Variants in OXNAD1 observed in about 807,000 individuals in gnomAD.
The protein encoded by OXNAD1 is oxidoreductase NAD binding domain containing 1.
Under a neutral mutation model 32.9 loss-of-function variants are expected in OXNAD1, and 34 were observed. The ratio of observed to expected loss-of-function variants is 1.03; its 90% confidence interval spans 0.79 to 1.38. The LOEUF (loss-of-function observed/expected upper bound fraction) is 1.38. OXNAD1 is among the 40% of genes most tolerant of loss of function. OXNAD1 has a pLI of 0.00. For missense variants in OXNAD1, 407 were observed against 379.4 expected, an observed-to-expected ratio of 1.07 and a Z score of -0.60; for synonymous variants, 134 against 135.2, an observed-to-expected ratio of 0.99 and a Z score of 0.06.
At position 16,321,411 on chromosome 3, in the gene OXNAD1, G is replaced by A. The variant is rs1306675862; in HGVS notation, c.*31-15701G>A. On this transcript the variant is annotated intron_variant, in intron 9 of 9. Transcript: ENST00000435829. The surrounding 1 kb of genome is among the most constrained non-coding windows in gnomAD (Gnocchi z 4.8). ...CAAGAGAAAAGCTGCTTCAGGGAGT[G>A]GGGGTGGTCCCAACATCCGGGCTGC... Among the ~76,000 whole-genome samples, 1 of 152,190 alleles carries A rather than the reference G, an allele frequency of 6.6e-6. No homozygotes were observed. The highest frequency in any genetic ancestry group is 1.5e-5 in the Non-Finnish European group (1 of 68,022).
At chr3:16,286,248 T>C (rs1348993974) in intron 4 of OXNAD1, 94 bp from the exon 5 acceptor site, 10 of 954,758 alleles carry the variant, frequency 1.0e-5, no homozygotes, top group Non-Finnish European at 1.5e-5. Context: ...CACATCTTTG[T>C]AGGTTTCAAA....
intron 9 of OXNAD1, among the ~76,000 whole-genome samples, chr3:16,323,943 G>A (rs755282228): frequency 7.9e-5 from 12 of 152,190 alleles, no homozygotes; most frequent in Non-Finnish European, 1.8e-4. Context: ...AGACTGCACA[G>A]CACCAGGCGG....
At chr3:16,272,009 G>A (rs1229135077) in intron 4 of OXNAD1, 2 of 515,030 alleles carry the variant, frequency 3.9e-6, no homozygotes, top group East Asian at 7.4e-5. Context: ...TGATGTTTAG[G>A]GTTATGTTTT....
At chr3:16,276,598 G>A (rs842286) in intron 4 of OXNAD1, 159,277 of 160,220 alleles carry the variant, frequency 0.99, 79,167 homozygotes, top group East Asian at 1. Flanking sequence ...TCTGGTCTTT[G>A]TTTTTTTTGT....
chr3:16,340,570 T>C (rs1169003945), downstream of OXNAD1, among the ~76,000 whole-genome samples: 3 of 152,260 alleles, frequency 2.0e-5, no homozygotes, highest in African/African-American at 7.2e-5. Flanking sequence ...AATGGTTAGT[T>C]ACACAGCAGA....
At chr3:16,267,326 C>A (rs1289421273) in intron 1 of OXNAD1, among the ~76,000 whole-genome samples, 1 of 152,156 alleles carries the variant, frequency 6.6e-6, no homozygotes, top group Non-Finnish European at 1.5e-5. Context: ...TTGAGCAGTC[C>A]TTTAAAAATA....
rs1206759819 is a variant in OXNAD1 at position 16,302,594 on chromosome 3, T to C, written c.676-46T>C. ...CGTCAATGGTTGTGCACATCTGTTTTGATTTTTTAAAATTGTAGTGTGACC... is the reference window on the plus strand; with the variant it reads ...CGTCAATGGTTGTGCACATCTGTTTCGATTTTTTAAAATTGTAGTGTGACC... On this transcript the variant is annotated intron_variant, in intron 7 of 8. Coordinates refer to ENST00000285083, the MANE Select transcript of OXNAD1 (RefSeq NM_138381.5). This position sits in a 1 kb window ranked among gnomAD's most constrained non-coding sequence, Gnocchi z 4.2. 7.3e-7 allele frequency: 1 copy of C among 1,367,672 alleles called. No homozygotes were observed. Among genetic ancestry groups the C allele is most frequent in the African/African-American group, 1.4e-5 (1 of 69,128 alleles). 84.7% of individuals were successfully genotyped at this position (1,367,672 alleles called of 1,614,324 possible). A position where few individuals can be genotyped will look rare whatever the true frequency, so the allele number is the denominator to read the frequency against.
At position 16,348,373 on chromosome 3, in the gene OXNAD1, T is replaced by A. The variant is rs1388665421; in HGVS notation, c.*31-803T>A. On this transcript the variant is annotated intron_variant, in intron 9 of 9. Transcript: ENST00000606098. The surrounding 1 kb of genome is among the most constrained non-coding windows in gnomAD (Gnocchi z 6.3). ...TATGTGTTCTAATTATAAAAAAAAA[T>A]TAATAGATGTGCCTTCTCTTCCAGC... 2.7e-5 allele frequency among the ~76,000 whole-genome samples: 4 copies of A among 150,682 alleles called. No individual in the cohort carries two copies. Among genetic ancestry groups the A allele is most frequent in the Non-Finnish European group, 5.9e-5 (4 of 67,586 alleles).
Position 16,312,629 on chromosome 3 carries a change from G to A in OXNAD1, c.*30+9037G>A, listed in dbSNP as rs1009483965. On this transcript the variant is annotated intron_variant, in intron 9 of 9. Transcript: ENST00000435829. The surrounding 1 kb of genome is among the most constrained non-coding windows in gnomAD (Gnocchi z 4.7). ...TCAGCTAGAGTGGGTTGCACGAGTC[G>A]TGAGTTTGGGGTCAACCTATTCCTA... is the stretch of plus-strand genomic sequence containing the variant. Among the ~76,000 whole-genome samples the A allele has an allele frequency of 2.6e-5, 4 of 152,232 alleles. No homozygotes were observed. The highest frequency in any genetic ancestry group is 2.0e-4 in the Admixed American group (3 of 15,288).
In OXNAD1 at chr3:16,327,752, T is replaced by C. The variant is rs2069863457; in HGVS notation, c.*31-9360T>C. ...CTCCAGCCTGGGTGACAGAGCGGGA[T>C]TCCCATCTCAAAAAAAAAAACAAAA... On this transcript the variant is annotated intron_variant, in intron 9 of 9. Transcript: ENST00000435829. The surrounding 1 kb of genome is among the most constrained non-coding windows in gnomAD (Gnocchi z 4.2). Among the ~76,000 whole-genome samples, 1 of 135,542 alleles carries C rather than the reference T, an allele frequency of 7.4e-6. No individual in the cohort carries two copies. The highest frequency in any genetic ancestry group is 2.8e-5 in the African/African-American group (1 of 35,948). The allele number at this position is 135,542 out of a possible 152,430, so 88.9% of individuals were successfully genotyped here.
chr3:16,350,528 A>G (rs111496018), downstream of OXNAD1, among the ~76,000 whole-genome samples: 3 of 151,786 alleles, frequency 2.0e-5, no homozygotes, highest in African/African-American at 7.3e-5. Context: ...GCACTCATCC[A>G]TACATACTAT....
rs1559842639 is a variant in OXNAD1 at position 16,345,301 on chromosome 3, T to TGTGTGTG, written c.*31-3875_*31-3874insGTGTGTG. The stretch of plus-strand genomic sequence containing the variant: ...GTGTGTGTGTGTGTGTGTGTGTGTG[T>TGTGTGTG]TTAAAGCTGTTATAGAATTATCTCC... On this transcript the variant is annotated intron_variant, in intron 9 of 9. Coordinates refer to the OXNAD1 transcript ENST00000606098. The surrounding 1 kb of genome is among the most constrained non-coding windows in gnomAD (Gnocchi z 5.2). The TGTGTGTG allele has an allele frequency of 6.8e-5, 10 of 146,418 alleles. No homozygotes were observed. The highest frequency in any genetic ancestry group is 1.2e-4 in the African/African-American group (5 of 40,318). 9.1% of individuals were successfully genotyped at this position (146,418 alleles called of 1,614,324 possible). A position where few individuals can be genotyped will look rare whatever the true frequency, so the allele number is the denominator to read the frequency against.
Position 16,301,942 on chromosome 3 carries a change from G to A in OXNAD1, c.675+74G>A. 2 of 1,536,538 alleles carry A rather than the reference G, an allele frequency of 1.3e-6. No individual in the cohort carries two copies. Among genetic ancestry groups the A allele is most frequent in the East Asian group, 4.5e-5 (2 of 44,150 alleles). On this transcript the variant is annotated intron_variant, in intron 7 of 8. Coordinates refer to ENST00000285083, the MANE Select transcript of OXNAD1 (RefSeq NM_138381.5). The surrounding 1 kb of genome is among the most constrained non-coding windows in gnomAD (Gnocchi z 4.1). ...TTGTTCATGAAAGTTTTTTCTCTAG[G>A]TTTTGTTTTCTCTGCAAAGGTTCAA...
intron 5 of OXNAD1, among the ~76,000 whole-genome samples, chr3:16,291,579 G>A (rs1030350978): frequency 7.9e-5 from 12 of 152,174 alleles, no homozygotes; most frequent in Non-Finnish European, 1.3e-4. Context: ...CTATGTTGTA[G>A]CCTGTATCAG....
rs1348426146 is a variant in OXNAD1 at position 16,271,330 on chromosome 3, A to G, written c.119+259A>G. On this transcript the variant is annotated intron_variant, in intron 3 of 8. Transcript: ENST00000285083. The surrounding 1 kb of genome is among the most constrained non-coding windows in gnomAD (Gnocchi z 4.6). ...GTGATTCTCCTGTCTTAGCCTCCCG[A>G]GTAGCTGGGATTACAGGCGTGCACC... is the stretch of plus-strand genomic sequence containing the variant. 3 of 537,840 alleles carry G rather than the reference A, an allele frequency of 5.6e-6. No homozygotes were observed. The highest frequency in any genetic ancestry group is 3.6e-5 in the Admixed American group (1 of 28,168). 33.3% of individuals were successfully genotyped at this position (537,840 alleles called of 1,614,324 possible).
downstream of OXNAD1, among the ~76,000 whole-genome samples, chr3:16,351,867 G>T (rs1014333855): frequency 1.3e-5 from 2 of 151,620 alleles, no homozygotes; most frequent in African/African-American, 4.9e-5. This position sits in a 1 kb window ranked among gnomAD's most constrained non-coding sequence, Gnocchi z 5.4. Context: ...TGGGTGAGGG[G>T]ACTAGAAAGA....
intron 4 of OXNAD1, chr3:16,276,306 CT>C: frequency 1.0e-5 from 2 of 191,630 alleles, no homozygotes; most frequent in South Asian, 9.1e-5. Context: ...TTTAGGCATA[CT>C]TTTTTCTCAT....
At chr3:16,307,985 CAGTT>C (rs368253679), downstream of OXNAD1, among the ~76,000 whole-genome samples, 413 of 152,220 alleles carry the variant, frequency 2.7e-3, 2 homozygotes, top group African/African-American at 8.5e-3. Flanking sequence ...CAGTGGGACT[CAGTT>C]AGGGAAGTGA....
downstream of OXNAD1, among the ~76,000 whole-genome samples, chr3:16,350,956 C>G (rs1575094778): frequency 6.6e-6 from 1 of 152,138 alleles, no homozygotes; most frequent in Non-Finnish European, 1.5e-5. Context: ...CTGGCAAATC[C>G]TAGAGTGGAT....
Sources: gnomAD v4.1 joint callset for allele counts (sites outside exome capture counted in the v4.1 genomes callset) on GRCh38, gnomAD v4.1.1 for gene constraint, Gnocchi (gnomAD v3.1) non-coding constraint, MANE v1.5 for transcripts, NCBI Gene and HGNC (gene_info 2026-07-23, HGNC 2026-07-21) for gene names.